The following KCNQ2 variants were observed in gnomAD, a reference collection of about 807,000 sequenced individuals.
The protein encoded by KCNQ2 is potassium voltage-gated channel subfamily Q member 2.
Under a neutral mutation model 84.8 loss-of-function variants are expected in KCNQ2, and 14 were observed. That is an observed-to-expected ratio of 0.17 (90% CI 0.11 to 0.26). The LOEUF (loss-of-function observed/expected upper bound fraction) is 0.26, where lower values mean the gene tolerates loss of function less well. KCNQ2 is among the 10% of genes least tolerant of loss of function. The probability of loss-of-function intolerance (pLI) is 1.00; values close to 1 mark genes in which losing one functional copy is unlikely to be tolerated. For missense variants in KCNQ2, 788 were observed against 1,254.0 expected (o/e 0.63, Z 5.61); for synonymous variants, 599 against 554.1 (o/e 1.08, Z -1.14).
chr20:63,408,297 C>G lies in KCNQ2; in HGVS notation c.1887+116G>C. ...GTCAGTGGTGACAGGGCCATGTAAACCCTAGACTTGAGGAGCCCTCCGTGG... is the reference window on the plus strand; with the variant it reads ...GTCAGTGGTGACAGGGCCATGTAAAGCCTAGACTTGAGGAGCCCTCCGTGG... On this transcript the variant is annotated intron_variant, in intron 16 of 16. Transcript: ENST00000359125. This position sits in a 1 kb window ranked among gnomAD's most constrained non-coding sequence, Gnocchi z 5.0. 2 of 1,329,478 alleles carry G rather than the reference C, an allele frequency of 1.5e-6. No homozygotes were observed. The highest frequency in any genetic ancestry group is 2.1e-6 in the Non-Finnish European group (2 of 958,622). The allele number at this position is 1,329,478 out of a possible 1,614,324, so 82.4% of individuals were successfully genotyped here.
chr20:63,415,322 G>T (rs1428090936), intron 12 of KCNQ2, among the ~76,000 whole-genome samples, 196 bp from the exon 13 acceptor site: 5 of 149,310 alleles, frequency 3.3e-5, no homozygotes, highest in African/African-American at 1.3e-4. Flanking sequence ...GGGAGGGAGG[G>T]GAGGCCACGG....
intron 1 of KCNQ2, among the ~76,000 whole-genome samples, chr20:63,461,747 C>G (rs1441086894): frequency 1.4e-5 from 2 of 148,054 alleles, no homozygotes; most frequent in Non-Finnish European, 3.0e-5. Flanking sequence ...TGCACCTACC[C>G]CAGGGAGCAG....
chr20:63,429,896 C>T (rs2080743138), intron 9 of KCNQ2, among the ~76,000 whole-genome samples: 1 of 152,198 alleles, frequency 6.6e-6, no homozygotes, highest in South Asian at 2.1e-4. Context: ...CCCCAAAATG[C>T]TGGCAGGAGT....
chr20:63,403,287 C>G lies in KCNQ2; in HGVS notation c.*3357G>C, dbSNP rs569814855. 1 of 152,426 alleles carries G rather than the reference C, an allele frequency of 6.6e-6. No individual in the cohort carries two copies. The highest frequency in any genetic ancestry group is 2.4e-5 in the African/African-American group (1 of 41,578). 9.4% of individuals were successfully genotyped at this position (152,426 alleles called of 1,614,324 possible). On this transcript the variant is annotated 3_prime_UTR_variant, in exon 17 of 17. Coordinates refer to ENST00000359125, the MANE Select transcript of KCNQ2 (RefSeq NM_172107.4). ...TCCAGCATCACCACGACCCCTAAAG[C>G]CACAATTACTCCTTGTAGCCCCTCC...
chr20:63,409,046 G>A (rs1463372755), intron 15 of KCNQ2, among the ~76,000 whole-genome samples: 1 of 152,264 alleles, frequency 6.6e-6, no homozygotes, highest in African/African-American at 2.4e-5. Flanking sequence ...GGGTCTGATG[G>A]GGACGGAGTT....
At chr20:63,421,469 C>A (rs1274018846) in intron 11 of KCNQ2, among the ~76,000 whole-genome samples, 1 of 152,188 alleles carries the variant, frequency 6.6e-6, no homozygotes, top group Non-Finnish European at 1.5e-5. Context: ...CTGCACCTCC[C>A]CCTGGGGTCC....
Position 63,414,010 on chromosome 20 carries a change from G to T in KCNQ2, c.1631+78C>A. The T allele has an allele frequency of 9.3e-7, 1 of 1,077,716 alleles. No homozygotes were observed. The highest frequency in any genetic ancestry group is 1.4e-6 in the Non-Finnish European group (1 of 695,294). 66.8% of individuals were successfully genotyped at this position (1,077,716 alleles called of 1,614,324 possible). Reference sequence around the variant, plus strand: ...TGGGCGGCTCTGTCCAGCACCATGAGCACCGGCAGCAGGCAGGACCACCGA... The same window carrying T: ...TGGGCGGCTCTGTCCAGCACCATGATCACCGGCAGCAGGCAGGACCACCGA... On this transcript the variant is annotated intron_variant, in intron 14 of 16. Transcript: ENST00000359125. The surrounding 1 kb of genome is among the most constrained non-coding windows in gnomAD (Gnocchi z 6.6).
chr20:63,471,867 G>A, intron 1 of KCNQ2: 2 of 365,870 alleles, frequency 5.5e-6, no homozygotes, highest in East Asian at 4.7e-5. Flanking sequence ...CGGCGCAGAG[G>A]CCGCGGGGAG....
chr20:63,418,021 C>T (rs556690660), intron 12 of KCNQ2, among the ~76,000 whole-genome samples: 16 of 152,278 alleles, frequency 1.1e-4, no homozygotes, highest in Non-Finnish European at 1.9e-4. Context: ...AGGAGGGTGG[C>T]GCGACCTGGA....
rs527410863 is a variant in KCNQ2 at position 63,400,714 on chromosome 20, G to A, written c.*5930C>T. 610 of 398,552 alleles carry A rather than the reference G, an allele frequency of 1.5e-3. 1 individual carries two copies. The highest frequency in any genetic ancestry group is 2.2e-3 in the Non-Finnish European group (506 of 225,980). The allele number at this position is 398,552 out of a possible 1,614,324, so 24.7% of individuals were successfully genotyped here. Reference sequence around the variant, plus strand: ...CAATGGCGTGGGGCGCGGGCATGGCGGGCACACGTGGGCCGTGTGGATCCC... The same window carrying A: ...CAATGGCGTGGGGCGCGGGCATGGCAGGCACACGTGGGCCGTGTGGATCCC... On this transcript the variant is annotated 3_prime_UTR_variant, in exon 17 of 17. Coordinates refer to ENST00000359125, the MANE Select transcript of KCNQ2 (RefSeq NM_172107.4). This position sits in a 1 kb window ranked among gnomAD's most constrained non-coding sequence, Gnocchi z 8.7.
chr20:63,442,165 G>A (rs1311190107), intron 5 of KCNQ2, among the ~76,000 whole-genome samples: 5 of 151,900 alleles, frequency 3.3e-5, no homozygotes, highest in Non-Finnish European at 5.9e-5. Flanking sequence ...AGCTCAGGAG[G>A]AAGGAAGATG....
At chr20:63,431,595 T>A (rs2080788951) in intron 8 of KCNQ2, among the ~76,000 whole-genome samples, 1 of 151,774 alleles carries the variant, frequency 6.6e-6, no homozygotes, top group African/African-American at 2.4e-5. Context: ...AGGGCCAGGC[T>A]CCTAAGGTCG....
intron 1 of KCNQ2, among the ~76,000 whole-genome samples, chr20:63,470,147 C>T (rs1470190132): frequency 1.3e-5 from 2 of 152,238 alleles, no homozygotes; most frequent in African/African-American, 4.8e-5. Flanking sequence ...CCAGCCCCGC[C>T]GCTTAGAAAA....
chr20:63,418,708 G>A (rs893225137), intron 12 of KCNQ2, among the ~76,000 whole-genome samples: 5 of 152,326 alleles, frequency 3.3e-5, no homozygotes, highest in South Asian at 2.1e-4. Flanking sequence ...CCACACGCCC[G>A]TCTCCCTCTC....
intron 7 of KCNQ2, among the ~76,000 whole-genome samples, chr20:63,436,118 C>T (rs1343906652): frequency 1.3e-5 from 2 of 152,040 alleles, no homozygotes; most frequent in Admixed American, 6.6e-5. Flanking sequence ...GGACTGACTG[C>T]GATGCTGAAA....
intron 1 of KCNQ2, among the ~76,000 whole-genome samples, chr20:63,468,992 G>A (rs892712408): frequency 8.5e-5 from 13 of 152,238 alleles, no homozygotes; most frequent in Non-Finnish European, 1.6e-4. Flanking sequence ...GGTAACTGAG[G>A]TCCGCACCCA....
Position 63,406,723 on chromosome 20 carries a change from G to A in KCNQ2, c.2540C>T (p.Thr847Ile), listed in dbSNP as rs771014931. 1 of 1,607,778 alleles carries A rather than the reference G, an allele frequency of 6.2e-7. No homozygotes were observed. The highest frequency in any genetic ancestry group is 1.1e-5 in the South Asian group (1 of 90,560). The change falls in exon 17 of 17, where the codon ACC (threonine) becomes ATC (isoleucine). Residue 847 changes from threonine (T) to isoleucine (I), a missense_variant. Transcript: ENST00000359125. ...CGAGCGTGGCGGGGGCCCGCACGGG[G>A]TACAGAGGTCGGAGTCGGTGTCTGA... ...GESDTDSDLC[T>I]PCGPPPRSAT...
chr20:63,433,314 G>A (rs2080887469), intron 8 of KCNQ2: 1 of 209,194 alleles, frequency 4.8e-6, no homozygotes, highest in South Asian at 8.4e-5. Flanking sequence ...GGACCCCCAG[G>A]ATAATTTGAG....
intron 15 of KCNQ2, among the ~76,000 whole-genome samples, chr20:63,412,953 G>A (rs766338128): frequency 3.9e-5 from 6 of 152,210 alleles, no homozygotes; most frequent in Non-Finnish European, 8.8e-5. Flanking sequence ...GCAGGTAGAA[G>A]AAAAGGTGCC....
Sources: allele counts gnomAD v4.1 joint callset (sites outside exome capture counted in the v4.1 genomes callset), GRCh38; gene constraint gnomAD v4.1.1; non-coding constraint Gnocchi (gnomAD v3.1); transcripts MANE v1.5; gene names NCBI Gene and HGNC (gene_info 2026-07-23, HGNC 2026-07-21).